The following PCDHA7 variants were observed in gnomAD, a reference collection of about 807,000 sequenced individuals.
PCDHA7 encodes protocadherin alpha-7.
Under a neutral mutation model 57.2 loss-of-function variants are expected in PCDHA7, and 37 were observed. That is an observed-to-expected ratio of 0.65 (90% confidence interval 0.50 to 0.85). The LOEUF is 0.85. PCDHA7 is among the 40% of genes least tolerant of loss of function. PCDHA7 has a pLI of 0.00. For missense variants in PCDHA7, 1,188 were observed against 1,241.8 expected (o/e 0.96, Z 0.65); for synonymous variants, 553 against 558.8 (o/e 0.99, Z 0.15).
chr5:140,902,572 G>A (rs1249141591), intron 1 of PCDHA7, among the ~76,000 whole-genome samples: 1 of 151,954 alleles, frequency 6.6e-6, no homozygotes, highest in Non-Finnish European at 1.5e-5. Flanking sequence ...GGGTTTTTAA[G>A]ATTTCAATAG....
chr5:140,841,273 T>G, intron 1 of PCDHA7: 30 of 1,504,326 alleles, frequency 2.0e-5, no homozygotes, highest in Middle Eastern at 1.8e-4. Context: ...GTACAGTCGT[T>G]CATCTTTATA....
In PCDHA7 at chr5:140,877,367, G is replaced by C. The variant is rs201967192; in HGVS notation, c.2355+40629G>C. On this transcript the variant is annotated intron_variant, in intron 1 of 3. Transcript: ENST00000525929. ...GTGGGGCTGTACACTGGCGAGATCA[G>C]CACGACACGCATCCTGGATGAGGCG... is the stretch of plus-strand genomic sequence containing the variant. 1.0e-4 allele frequency: 167 copies of C among 1,614,018 alleles called. No homozygotes were observed. The highest frequency in any genetic ancestry group is 4.9e-4 in the Middle Eastern group (3 of 6,062).
At chr5:140,897,222 G>A (rs2065939417) in intron 1 of PCDHA7, among the ~76,000 whole-genome samples, 1 of 151,978 alleles carries the variant, frequency 6.6e-6, no homozygotes, top group Non-Finnish European at 1.5e-5. Context: ...TAGGGTACAT[G>A]TGCACAATGT....
chr5:140,843,295 G>A lies in PCDHA7; in HGVS notation c.2355+6557G>A, dbSNP rs2150356733. On this transcript the variant is annotated intron_variant, in intron 1 of 3. Transcript: ENST00000525929. ...TGGTGAAGGATCATGGTGAACCTGC[G>A]CTGACCGCCACGGCCACGGTTCTGG... is the stretch of plus-strand genomic sequence containing the variant. 8.4e-5 allele frequency: 134 copies of A among 1,595,834 alleles called. 14 individuals are homozygous for A. In the Admixed American group the frequency reaches 2.2e-3, roughly 27 times the overall value.
rs782296827 is a variant in PCDHA7, at chr5:140,858,349, C to T, written c.2355+21611C>T. The T allele has an allele frequency of 9.4e-6, 15 of 1,594,268 alleles. 2 individuals are homozygous for T. ...GGGAGGGCCTGCCCAAGGCGGACCT[C>T]ATGGCCTTCAGCCCCAGCCTTCCAC... On this transcript the variant is annotated intron_variant, in intron 1 of 3. Coordinates refer to ENST00000525929, the MANE Select transcript of PCDHA7 (RefSeq NM_018910.3).
chr5:141,011,228 A>T lies in PCDHA7; in HGVS notation c.*1291A>T, dbSNP rs2098419864. 1 of 153,664 alleles carries T rather than the reference A, an allele frequency of 6.5e-6. No homozygotes were observed. The highest frequency in any genetic ancestry group is 1.5e-5 in the Non-Finnish European group (1 of 68,016). 9.5% of individuals were successfully genotyped at this position (153,664 alleles called of 1,614,324 possible). On this transcript the variant is annotated 3_prime_UTR_variant, in exon 4 of 4. Coordinates refer to ENST00000525929, the MANE Select transcript of PCDHA7 (RefSeq NM_018910.3). The stretch of plus-strand genomic sequence containing the variant: ...CAGTGAGCAGATTTTTCAATCTACT[A>T]ATTCTGTGACTTGTCTTGGTGTGCT...
chr5:140,869,244 C>A (rs782454826), intron 1 of PCDHA7: 1 of 1,613,658 alleles, frequency 6.2e-7, no homozygotes. Flanking sequence ...TCGTGGGCCG[C>A]ATCGCGCAGG....
At chr5:140,987,681 G>A (rs1554249426) in intron 3 of PCDHA7, among the ~76,000 whole-genome samples, 2 of 152,184 alleles carry the variant, frequency 1.3e-5, no homozygotes, top group Non-Finnish European at 2.9e-5. Context: ...TTAGTAAATA[G>A]TAGCTATTTT....
intron 1 of PCDHA7, among the ~76,000 whole-genome samples, chr5:140,964,379 C>T (rs2095828218): frequency 6.6e-6 from 1 of 152,130 alleles, no homozygotes; most frequent in Non-Finnish European, 1.5e-5. Flanking sequence ...AAAGGAGAGT[C>T]CTGGTTTTTC....
intron 1 of PCDHA7, among the ~76,000 whole-genome samples, chr5:140,961,096 G>A (rs1040764862): frequency 3.9e-5 from 6 of 152,222 alleles, no homozygotes; most frequent in Admixed American, 3.3e-4. Flanking sequence ...TGACTTTTTG[G>A]TCACCCAACC....
At chr5:140,907,746 T>G (rs1240884837) in intron 1 of PCDHA7, among the ~76,000 whole-genome samples, 3 of 152,302 alleles carry the variant, frequency 2.0e-5, no homozygotes, top group African/African-American at 7.2e-5. Context: ...ATGGCCACTT[T>G]GTTCATGGGC....
At chr5:140,931,779 T>G (rs1298337220) in intron 1 of PCDHA7, among the ~76,000 whole-genome samples, 1 of 152,006 alleles carries the variant, frequency 6.6e-6, no homozygotes, top group African/African-American at 2.4e-5. Context: ...CCTGTTCAAT[T>G]ACCTATTGAT....
At chr5:140,969,178 C>G (rs2096303822) in intron 1 of PCDHA7, 1 of 1,613,978 alleles carries the variant, frequency 6.2e-7, no homozygotes, top group South Asian at 1.1e-5. Flanking sequence ...CAGGGAGTGA[C>G]ACTTTCATGT....
At chr5:140,884,461 G>C in intron 1 of PCDHA7, 3 of 1,613,764 alleles carry the variant, frequency 1.9e-6, no homozygotes, top group Non-Finnish European at 2.5e-6. Context: ...CCGAGGGCGC[G>C]TGCGCGCCGG....
At chr5:140,843,107 G>A in intron 1 of PCDHA7, 2 of 1,595,816 alleles carry the variant, frequency 1.3e-6, no homozygotes, top group Non-Finnish European at 1.7e-6. Context: ...GAAGGTGCGC[G>A]CAGTGGACGC....
chr5:140,916,174 C>A (rs2077467805), intron 1 of PCDHA7, among the ~76,000 whole-genome samples: 1 of 152,124 alleles, frequency 6.6e-6, no homozygotes, highest in Non-Finnish European at 1.5e-5. Flanking sequence ...AGGCCTGGGA[C>A]TCTTCAAGGA....
In PCDHA7 at chr5:141,011,189, A is replaced by G. The variant is rs573647175; in HGVS notation, c.*1252A>G. On this transcript the variant is annotated 3_prime_UTR_variant, in exon 4 of 4. Coordinates refer to ENST00000525929, the MANE Select transcript of PCDHA7 (RefSeq NM_018910.3). ...CAAGACCCAAAAATTGAAGAAAAAT[A>G]TTGTTTTCTCATACAGTGAGCAGAT... 1.3e-5 allele frequency: 2 copies of G among 153,810 alleles called. No homozygotes were observed. Among genetic ancestry groups the G allele is most frequent in the African/African-American group, 4.8e-5 (2 of 41,570 alleles). 9.5% of individuals were successfully genotyped at this position (153,810 alleles called of 1,614,324 possible).
intron 1 of PCDHA7, among the ~76,000 whole-genome samples, chr5:140,891,064 A>T (rs1442139760): frequency 6.6e-6 from 1 of 152,206 alleles, no homozygotes; most frequent in East Asian, 1.9e-4. Flanking sequence ...AGTAAATATT[A>T]TTCCAGTGTC....
chr5:140,926,903 G>C (rs369906778), intron 1 of PCDHA7: 13 of 1,557,942 alleles, frequency 8.3e-6, no homozygotes, highest in African/African-American at 1.4e-5. Flanking sequence ...ATGGTGGGCT[G>C]TGGGGTGGCA....
Sources: gnomAD v4.1 joint callset for allele counts (sites outside exome capture counted in the v4.1 genomes callset) on GRCh38, gnomAD v4.1.1 for gene constraint, MANE v1.5 for transcripts, NCBI Gene and HGNC (gene_info 2026-07-23, HGNC 2026-07-21) for gene names.